The following DOCK1 variants were observed in gnomAD, a reference collection of about 807,000 sequenced individuals.
DOCK1 encodes the protein dedicator of cytokinesis protein 1.
A neutral mutation model predicts 262.7 loss-of-function variants in DOCK1; 138 were observed. The observed-to-expected ratio is 0.53, with a 90% CI of 0.46 to 0.61. DOCK1 has a LOEUF of 0.61. DOCK1 is among the 20% of genes least tolerant of loss of function. The pLI, the probability that DOCK1 is intolerant of heterozygous loss-of-function variation, is 0.00. For missense variants in DOCK1, 1,908 were observed against 2,370.7 expected (o/e 0.80, Z 4.05); for synonymous variants, 866 against 867.4 (o/e 1.00, Z 0.03).
chr10:127,045,341 G>A (rs2044277420), intron 21 of DOCK1, among the ~76,000 whole-genome samples: 1 of 152,034 alleles, frequency 6.6e-6, no homozygotes, highest in Non-Finnish European at 1.5e-5. Context: ...TCAGCAGCCT[G>A]AATTTGCATG....
chr10:127,126,651 A>G (rs1471277530), intron 26 of DOCK1, among the ~76,000 whole-genome samples: 2 of 152,164 alleles, frequency 1.3e-5, no homozygotes, highest in Admixed American at 1.3e-4. Flanking sequence ...CCAACATACC[A>G]TTCCTGTTGG....
chr10:127,004,325 T>C (rs1157248126), intron 10 of DOCK1, among the ~76,000 whole-genome samples: 1 of 152,074 alleles, frequency 6.6e-6, no homozygotes, highest in Non-Finnish European at 1.5e-5. Context: ...AGTTTCCTAC[T>C]AGAAACTCTT....
At chr10:126,921,542 C>A (rs140767239) in intron 1 of DOCK1, among the ~76,000 whole-genome samples, 1 of 152,044 alleles carries the variant, frequency 6.6e-6, no homozygotes, top group Non-Finnish European at 1.5e-5. Flanking sequence ...AGTGGTTGCC[C>A]GGGACTAGGG....
intron 1 of DOCK1, among the ~76,000 whole-genome samples, chr10:126,949,811 C>T (rs1300773090): frequency 2.0e-5 from 3 of 151,918 alleles, no homozygotes; most frequent in Admixed American, 6.6e-5. Flanking sequence ...TGACATGTCT[C>T]TGGCTGGTTT....
intron 32 of DOCK1, among the ~76,000 whole-genome samples, chr10:127,356,801 C>T (rs1040925943): frequency 6.6e-6 from 1 of 152,206 alleles, no homozygotes; most frequent in African/African-American, 2.4e-5. Context: ...GACACAGGCT[C>T]TCTCTGAGGC....
intron 29 of DOCK1, 73 bp from the exon 30 acceptor site, chr10:127,338,932 TA>T: frequency 7.8e-7 from 1 of 1,281,820 alleles, no homozygotes; most frequent in Non-Finnish European, 1.1e-6. Context: ...GGATTGTATC[TA>T]ATTGAAATGC....
Position 127,306,989 on chromosome 10 carries a change from G to T in DOCK1, c.3045-32017G>T, listed in dbSNP as rs993683600. Among the ~76,000 whole-genome samples the T allele has an allele frequency of 5.9e-5, 9 of 152,148 alleles. No homozygotes were observed. The East Asian group carries it at 1.7e-3, about 29-fold the overall frequency. On this transcript the variant is annotated intron_variant, in intron 29 of 51. Transcript: ENST00000623213. ...GTCAATAGTTTGGGAATTGTTTTAG[G>T]ATTAAAAGTGAGATCCATTTGTAAG...
At chr10:127,387,208 C>T (rs1464673097) in intron 38 of DOCK1, among the ~76,000 whole-genome samples, 1 of 152,224 alleles carries the variant, frequency 6.6e-6, no homozygotes, top group African/African-American at 2.4e-5. Flanking sequence ...CCCTCATTCC[C>T]TCCCTTGCCC....
At chr10:127,433,734 C>G (rs567855141) in intron 48 of DOCK1, among the ~76,000 whole-genome samples, 1 of 152,200 alleles carries the variant, frequency 6.6e-6, no homozygotes, top group Non-Finnish European at 1.5e-5. Flanking sequence ...CTTGTCCACC[C>G]GCGGCCCACG....
chr10:127,333,255 A>G (rs1413135247), intron 29 of DOCK1, among the ~76,000 whole-genome samples: 1 of 152,112 alleles, frequency 6.6e-6, no homozygotes, highest in Non-Finnish European at 1.5e-5. Context: ...GAATTTAAAT[A>G]CCCCCACAGC....
chr10:127,277,753 A>C (rs1590239033), intron 29 of DOCK1, among the ~76,000 whole-genome samples: 1 of 152,102 alleles, frequency 6.6e-6, no homozygotes, highest in East Asian at 1.9e-4. Context: ...ACAGAGCGAG[A>C]CTCCATCTCA....
intron 49 of DOCK1, among the ~76,000 whole-genome samples, chr10:127,442,565 A>AG (rs2070243516): frequency 6.6e-6 from 1 of 152,212 alleles, no homozygotes; most frequent in South Asian, 2.1e-4. Flanking sequence ...GAAAGGGCTT[A>AG]GGTGGGGGAA....
intron 27 of DOCK1, among the ~76,000 whole-genome samples, chr10:127,148,898 A>T (rs2052186128): frequency 6.6e-6 from 1 of 152,188 alleles, no homozygotes; most frequent in Non-Finnish European, 1.5e-5. Context: ...TCACAACCGA[A>T]GGGATGTCTG....
intron 25 of DOCK1, among the ~76,000 whole-genome samples, chr10:127,120,238 TAAGA>T (rs1267338911): frequency 2.0e-5 from 3 of 152,172 alleles, no homozygotes. Flanking sequence ...GGGTGTCTGA[TAAGA>T]GAGAGCTGTG....
At chr10:127,232,602 C>T (rs965580623) in intron 27 of DOCK1, among the ~76,000 whole-genome samples, 52 of 152,282 alleles carry the variant, frequency 3.4e-4, no homozygotes, top group African/African-American at 1.2e-3. Flanking sequence ...CTGATTCTTT[C>T]GAACAAATGC....
intron 29 of DOCK1, among the ~76,000 whole-genome samples, chr10:127,292,754 T>C (rs756573236): frequency 6.6e-6 from 1 of 152,122 alleles, no homozygotes; most frequent in Non-Finnish European, 1.5e-5. Flanking sequence ...AGAAATAAAG[T>C]CGTTCCCGCA....
chr10:126,949,016 T>G (rs1479393741), intron 1 of DOCK1, among the ~76,000 whole-genome samples: 1 of 152,096 alleles, frequency 6.6e-6, no homozygotes, highest in African/African-American at 2.4e-5. Flanking sequence ...GTAACTGAGC[T>G]TTCGTCTTTG....
chr10:126,961,363 G>A (rs1472390283), intron 1 of DOCK1, among the ~76,000 whole-genome samples: 2 of 152,074 alleles, frequency 1.3e-5, no homozygotes, highest in African/African-American at 2.4e-5. Context: ...TGAGGCGGGC[G>A]GATCACTTGA....
chr10:127,112,068 A>G (rs895034540), intron 25 of DOCK1, among the ~76,000 whole-genome samples: 2 of 151,408 alleles, frequency 1.3e-5, no homozygotes, highest in African/African-American at 4.9e-5. Context: ...CTGGAGTGCA[A>G]TGGCACAATC....
Sources: allele counts gnomAD v4.1 joint callset (sites outside exome capture counted in the v4.1 genomes callset), GRCh38; gene constraint gnomAD v4.1.1; transcripts MANE v1.5; gene names NCBI Gene and HGNC (gene_info 2026-07-23, HGNC 2026-07-21).